Variants in STK3 observed in about 807,000 individuals in gnomAD.
STK3 encodes the protein serine/threonine kinase 3, also known as serine/threonine-protein kinase 3.
STK3 carries 41 observed loss-of-function variants against 58.0 expected under a neutral mutation model. That is an observed-to-expected ratio of 0.71 (90% CI 0.55 to 0.92). STK3 has a LOEUF of 0.92. STK3 is among the 40% of genes least tolerant of loss of function. The pLI is 0.00. For synonymous variants in STK3, 170 were observed against 191.0 expected, an observed-to-expected ratio of 0.89 and a Z score of 0.91; for missense variants, 479 against 602.7, an observed-to-expected ratio of 0.79 and a Z score of 2.15.
intron 1 of STK3, among the ~76,000 whole-genome samples, chr8:98,819,627 T>C (rs184632315): frequency 6.6e-6 from 1 of 152,322 alleles, no homozygotes; most frequent in East Asian, 1.9e-4. Context: ...ACTTTGAATA[T>C]TTTGTCCACT....
rs1833418674 is a variant in STK3 at position 98,800,008 on chromosome 8, C to T, written c.27-25189G>A. 6.6e-6 allele frequency among the ~76,000 whole-genome samples: 1 copy of T among 152,040 alleles called. No individual in the cohort carries two copies. On this transcript the variant is annotated intron_variant, in intron 1 of 10. Coordinates refer to ENST00000419617, the MANE Select transcript of STK3 (RefSeq NM_006281.4). This position sits in a 1 kb window ranked among gnomAD's most constrained non-coding sequence, Gnocchi z 4.8. ...AGGGATAGTACAAGATGCCACCCAG[C>T]GTTTACAGGAAAAGGCTTCTGAAAT... is the stretch of plus-strand genomic sequence containing the variant.
intron 1 of STK3, among the ~76,000 whole-genome samples, chr8:98,937,191 A>G (rs1258460463): frequency 6.6e-6 from 1 of 152,174 alleles, no homozygotes; most frequent in African/African-American, 2.4e-5. Flanking sequence ...CTCCTCCTCC[A>G]GCAAGGGTGC....
At chr8:98,396,916 C>A (rs1262887388), downstream of STK3, among the ~76,000 whole-genome samples, 1 of 152,216 alleles carries the variant, frequency 6.6e-6, no homozygotes, top group Non-Finnish European at 1.5e-5. Context: ...ATGTACCAGG[C>A]CCTATTCTAA....
At chr8:98,650,410 G>A (rs906008607) in intron 6 of STK3, among the ~76,000 whole-genome samples, 8 of 152,260 alleles carry the variant, frequency 5.3e-5, no homozygotes, top group African/African-American at 1.2e-4. Flanking sequence ...CAGCGTGAGC[G>A]ACACAGAAGA....
chr8:98,579,756 T>C lies in STK3; in HGVS notation c.856A>G (p.Ile286Val), dbSNP rs770905353. 6.3e-6 allele frequency: 10 copies of C among 1,597,652 alleles called. No individual in the cohort carries two copies. Among genetic ancestry groups the C allele is most frequent in the Non-Finnish European group, 8.5e-6 (10 of 1,175,408 alleles). Residue 286 changes from isoleucine (I) to valine (V), a missense_variant, in exon 8 of 11, where the codon ATA becomes GTA. By Grantham distance (29) the Ile-to-Val change is conservative. This residue lies in a region of STK3 where 309 missense variants were observed against 355.7 expected (regional missense o/e 0.87). Coordinates refer to ENST00000419617, the MANE Select transcript of STK3 (RefSeq NM_006281.4). Reference protein sequence around the residue: ...PFIKNAKPVSILRDLITEAME... With the variant: ...PFIKNAKPVSVLRDLITEAME... The stretch of plus-strand genomic sequence containing the variant: ...GCTTCTGTGATCAGGTCTCTTAATA[T>C]TGATACAGGTTTGGCATTCTTGATA...
At chr8:98,882,504 C>T (rs1360847842), downstream of STK3, 1 of 151,380 alleles carries the variant, frequency 6.6e-6, no homozygotes, top group Admixed American at 6.6e-5. Flanking sequence ...CAACCCCTGC[C>T]TCCCAGGTTC....
At chr8:98,681,791 T>C (rs1313385614) in intron 6 of STK3, among the ~76,000 whole-genome samples, 1 of 152,100 alleles carries the variant, frequency 6.6e-6, no homozygotes, top group Non-Finnish European at 1.5e-5. Context: ...GTAGCTGGAG[T>C]GTGGTTTAGG....
At chr8:98,782,534 A>G in intron 1 of STK3, 1 of 334,702 alleles carries the variant, frequency 3.0e-6, no homozygotes, top group South Asian at 3.0e-5. Flanking sequence ...CTGGTCTAAG[A>G]CCAAGGAAGC....
At chr8:98,628,173 T>TG (rs2130470120) in intron 6 of STK3, among the ~76,000 whole-genome samples, 2 of 152,336 alleles carry the variant, frequency 1.3e-5, no homozygotes, top group Non-Finnish European at 2.9e-5. Context: ...TTAGAATTTC[T>TG]GGAAATTCTG....
intron 3 of STK3, chr8:98,426,900 C>CGGCT (rs1818241006): frequency 6.5e-6 from 1 of 152,752 alleles, no homozygotes; most frequent in African/African-American, 2.4e-5. Context: ...GCGGCGGCGG[C>CGGCT]GGCTGCGCCT....
At chr8:98,883,655 C>A (rs1416294471), downstream of STK3, 2 of 702,986 alleles carry the variant, frequency 2.8e-6, no homozygotes, top group South Asian at 3.0e-5. Flanking sequence ...ACCTGTCTTG[C>A]TTGTTTTCTT....
intron 9 of STK3, among the ~76,000 whole-genome samples, chr8:98,534,699 G>C (rs941248333): frequency 2.0e-5 from 3 of 152,060 alleles, no homozygotes; most frequent in African/African-American, 7.2e-5. Flanking sequence ...CCTTTGATTT[G>C]TCTCTAGGCT....
intron 6 of STK3, among the ~76,000 whole-genome samples, chr8:98,675,589 G>T (rs1439268855): frequency 6.6e-6 from 1 of 151,960 alleles, no homozygotes; most frequent in Non-Finnish European, 1.5e-5. Context: ...CGGGCTGGGC[G>T]TGGTGGCTCA....
intron 6 of STK3, among the ~76,000 whole-genome samples, chr8:98,635,104 TAC>T (rs1426968243): frequency 1.3e-5 from 2 of 152,048 alleles, no homozygotes; most frequent in Non-Finnish European, 2.9e-5. Context: ...TCTATAATAC[TAC>T]AGCCAGAAAA....
At chr8:98,884,456 T>G (rs1006041807) in intron 1 of STK3, among the ~76,000 whole-genome samples, 4 of 152,200 alleles carry the variant, frequency 2.6e-5, no homozygotes, top group Non-Finnish European at 2.9e-5. Context: ...ACTTGGTACA[T>G]AAGCATAATT....
At chr8:98,640,566 T>G (rs1819948221) in intron 6 of STK3, among the ~76,000 whole-genome samples, 1 of 152,190 alleles carries the variant, frequency 6.6e-6, no homozygotes, top group African/African-American at 2.4e-5. Flanking sequence ...TGAAAATATC[T>G]TCAACACTTT....
chr8:98,590,088 C>G (rs942018009), intron 7 of STK3, among the ~76,000 whole-genome samples: 2 of 152,178 alleles, frequency 1.3e-5, no homozygotes, highest in South Asian at 2.1e-4. Context: ...AGCTGTAGAC[C>G]GGAGCTGTTC....
chr8:98,696,863 T>C (rs948454964), intron 6 of STK3, among the ~76,000 whole-genome samples: 1 of 152,234 alleles, frequency 6.6e-6, no homozygotes, highest in African/African-American at 2.4e-5. Flanking sequence ...AGGATGACGC[T>C]GGCCTCATAA....
At chr8:98,633,374 T>G (rs1819396321) in intron 6 of STK3, among the ~76,000 whole-genome samples, 1 of 152,102 alleles carries the variant, frequency 6.6e-6, no homozygotes, top group African/African-American at 2.4e-5. Context: ...GTAATATGAG[T>G]TGTGTTTCAT....
Sources: allele counts gnomAD v4.1 joint callset (sites outside exome capture counted in the v4.1 genomes callset), GRCh38; gene constraint gnomAD v4.1.1; regional missense constraint gnomAD v4.1.1; non-coding constraint Gnocchi (gnomAD v3.1); transcripts MANE v1.5; gene names NCBI Gene and HGNC (gene_info 2026-07-23, HGNC 2026-07-21).